Variants in PLD3 observed in about 807,000 individuals in gnomAD.
PLD3 encodes 5'-3' exonuclease PLD3.
In PLD3, 31 loss-of-function variants were observed where a neutral mutation model predicts 58.4. The observed-to-expected ratio is 0.53, with a 90% CI of 0.40 to 0.72. PLD3 has a LOEUF of 0.72. PLD3 is among the 30% of genes least tolerant of loss of function. PLD3 has a pLI of 0.00. For synonymous variants in PLD3, 264 were observed against 273.4 expected, an observed-to-expected ratio of 0.97 and a Z score of 0.34; for missense variants, 595 against 659.8, an observed-to-expected ratio of 0.90 and a Z score of 1.08.
chr19:40,371,465 T>G, intron 8 of PLD3: 1 of 579,788 alleles, frequency 1.7e-6, no homozygotes, highest in Non-Finnish European at 3.1e-6. Context: ...CAACAGCAGA[T>G]TGCAAACGTT....
chr19:40,354,152 C>T (rs548748789), intron 1 of PLD3, among the ~76,000 whole-genome samples: 5 of 146,320 alleles, frequency 3.4e-5, no homozygotes, highest in African/African-American at 1.3e-4. Flanking sequence ...CGGCTCACTG[C>T]AACTTCCACC....
At chr19:40,371,428 A>C in intron 8 of PLD3, 1 of 518,052 alleles carries the variant, frequency 1.9e-6, no homozygotes. Context: ...AAGAATGAGT[A>C]GAAGCTAGCT....
intron 1 of PLD3, among the ~76,000 whole-genome samples, chr19:40,351,782 G>A (rs1166796096): frequency 6.6e-6 from 1 of 152,160 alleles, no homozygotes; most frequent in African/African-American, 2.4e-5. Flanking sequence ...AGTGAGGTGG[G>A]TGCCACAGGA....
intron 6 of PLD3, 34 bp downstream of exon 6, chr19:40,367,913 G>T (rs1427296288): frequency 6.6e-7 from 1 of 1,511,750 alleles, no homozygotes; most frequent in Admixed American, 2.0e-5. Flanking sequence ...CGGCAGCAGG[G>T]GCAGGGGGTG....
In PLD3 at chr19:40,376,774, G is replaced by A; in HGVS notation, c.1185G>A (p.Val395=). ...RDNHTHSDIQ[V]KLFVVPADEA... ...ACCATACCCACTCTGACATCCAGGT[G>A]GTAAGTACTGCCCCAAGCCACCCCT... Residue 395 remains valine (V), a splice_region_variant and synonymous_variant, in exon 11 of 13, where the codon GTG becomes GTA. Coordinates refer to ENST00000409735, the MANE Select transcript of PLD3 (RefSeq NM_012268.4). The A allele has an allele frequency of 6.3e-7, 1 of 1,599,048 alleles. No individual in the cohort carries two copies. Among genetic ancestry groups the A allele is most frequent in the Non-Finnish European group, 8.5e-7 (1 of 1,179,642 alleles).
At chr19:40,360,546 A>T (rs2145673507) in intron 1 of PLD3, 1 of 146,178 alleles carries the variant, frequency 6.8e-6, no homozygotes, top group East Asian at 2.0e-4. Flanking sequence ...GCACCACTGC[A>T]CTCCAGCCTG....
intron 1 of PLD3, chr19:40,356,778 T>G (rs1000924109): frequency 6.6e-6 from 1 of 152,148 alleles, no homozygotes; most frequent in Non-Finnish European, 1.5e-5. Flanking sequence ...AAGAGGGAAT[T>G]GAAGCTGTAA....
At position 40,363,380 on chromosome 19, in the gene PLD3, C is replaced by A. The variant is rs571557971; in HGVS notation, c.-278-2338C>A. Reference sequence around the variant, plus strand: ...CTTCTCCTAGTGACCTCTGGAGTTTCAAATAACCTTAGTCTGTTGCTGTTT... The same window carrying A: ...CTTCTCCTAGTGACCTCTGGAGTTTAAAATAACCTTAGTCTGTTGCTGTTT... On this transcript the variant is annotated intron_variant, in intron 1 of 12. Transcript: ENST00000409735. 3.9e-5 allele frequency among the ~76,000 whole-genome samples: 6 copies of A among 152,252 alleles called. No individual in the cohort carries two copies. In the East Asian group the frequency reaches 7.7e-4, roughly 20 times the overall value.
intron 11 of PLD3, 131 bp from the exon 12 acceptor site, chr19:40,377,655 C>G: frequency 1.4e-6 from 1 of 691,382 alleles, no homozygotes; most frequent in Non-Finnish European, 2.5e-6. Flanking sequence ...TGGCCCTGTT[C>G]TGGCCCCCGA....
Position 40,378,063 on chromosome 19 carries a change from G to A in PLD3, c.1363G>A (p.Gly455Ser), listed in dbSNP as rs779098239. The A allele has an allele frequency of 1.5e-5, 25 of 1,613,956 alleles. No individual in the cohort carries two copies. Among genetic ancestry groups the A allele is most frequent in the South Asian group, 4.4e-5 (4 of 91,086 alleles). ...GCTGGTGACGCAGAATGGGAGGGGC[G>A]GCCTGCGGAGCCAGCTGGAGGCCAT... Reference protein sequence around the residue: ...SLLVTQNGRGGLRSQLEAIFL... With the variant: ...SLLVTQNGRGSLRSQLEAIFL... Residue 455 changes from glycine (G) to serine (S), a missense_variant, in exon 13 of 13, where the codon GGC becomes AGC. Physicochemically the swap from Gly to Ser is moderately conservative, Grantham distance 56. Coordinates refer to ENST00000409735, the MANE Select transcript of PLD3 (RefSeq NM_012268.4).
At chr19:40,361,679 C>T (rs2078788436) in intron 1 of PLD3, among the ~76,000 whole-genome samples, 1 of 152,104 alleles carries the variant, frequency 6.6e-6, no homozygotes, top group Non-Finnish European at 1.5e-5. Flanking sequence ...CATCTCACCC[C>T]ACCTTGAAGT....
chr19:40,360,616 TTCTC>T (rs1348271771), intron 1 of PLD3: 1 of 150,584 alleles, frequency 6.6e-6, no homozygotes, highest in Non-Finnish European at 1.5e-5. Flanking sequence ...AACAAATTCA[TTCTC>T]TCAGTTTTGG....
At position 40,371,679 on chromosome 19, in the gene PLD3, G is replaced by T; in HGVS notation, c.685G>T (p.Glu229Ter). The T allele has an allele frequency of 6.2e-7, 1 of 1,612,714 alleles. No homozygotes were observed. Among genetic ancestry groups the T allele is most frequent in the South Asian group, 1.1e-5 (1 of 90,990 alleles). Residue 229 changes from glutamate (E) to a stop codon, truncating the protein, a stop_gained, in exon 9 of 13, where the codon GAG (glutamate) becomes TAG (stop). Transcript: ENST00000409735. LOFTEE classifies it high-confidence loss of function. ...CAGCACTGCCCTCCTACAGGTCAAG[G>T]AGCTGGGCGTGGTCATGTACAACTG... ...MDWRSLTQVK[E>*]LGVVMYNCSC...
chr19:40,352,111 A>G (rs1020089313), intron 1 of PLD3, among the ~76,000 whole-genome samples: 2 of 152,160 alleles, frequency 1.3e-5, no homozygotes, highest in African/African-American at 2.4e-5. Flanking sequence ...ATCTCTACCA[A>G]AATTATATAA....
chr19:40,366,980 A>C (rs564220515), intron 5 of PLD3, 65 bp downstream of exon 5: 1 of 1,513,872 alleles, frequency 6.6e-7, no homozygotes. Context: ...TTAAGCACAC[A>C]CTAAACAGGG....
chr19:40,367,168 A>G, intron 5 of PLD3: 1 of 492,836 alleles, frequency 2.0e-6, no homozygotes, highest in South Asian at 3.2e-5. Flanking sequence ...CCACACACAC[A>G]TCTCAATACA....
chr19:40,359,347 C>A (rs2078726211), intron 1 of PLD3: 1 of 152,306 alleles, frequency 6.6e-6, no homozygotes, highest in African/African-American at 2.4e-5. Context: ...CTGCGCCCGA[C>A]CGAGACCTGA....
chr19:40,367,860 A>T lies in PLD3; in HGVS notation c.410A>T (p.Gln137Leu). 6.4e-7 allele frequency: 1 copy of T among 1,556,878 alleles called. No homozygotes were observed. Among genetic ancestry groups the T allele is most frequent in the Non-Finnish European group, 8.7e-7 (1 of 1,153,586 alleles). The change falls in exon 6 of 13, where the codon CAG becomes CTG. Residue 137 changes from glutamine (Q) to leucine (L), a missense_variant. Coordinates refer to ENST00000409735, the MANE Select transcript of PLD3 (RefSeq NM_012268.4). ...WTLTNNDTHT[Q>L]EPSAQQGEEV... ...CTCACCAACAATGACACCCACACGC[A>T]GGAGCCCTCTGCCCAGCAGGTACCT...
intron 6 of PLD3, among the ~76,000 whole-genome samples, chr19:40,368,220 C>T (rs1287770773): frequency 1.3e-5 from 2 of 152,186 alleles, no homozygotes; most frequent in Non-Finnish European, 2.9e-5. Context: ...AGACAGGGGC[C>T]ACCTCCCAGC....
Sources: allele counts gnomAD v4.1 joint callset (sites outside exome capture counted in the v4.1 genomes callset), GRCh38; gene constraint gnomAD v4.1.1; transcripts MANE v1.5; gene names NCBI Gene and HGNC (gene_info 2026-07-23, HGNC 2026-07-21).